SKAP1: variants seen among roughly 807,000 people sequenced by gnomAD.
SKAP1 encodes src kinase associated phosphoprotein 1.
Under a neutral mutation model 58.5 loss-of-function variants are expected in SKAP1, and 44 were observed. That is an observed-to-expected ratio of 0.75 (90% confidence interval 0.59 to 0.97). The LOEUF is 0.97. SKAP1 is among the 50% of genes least tolerant of loss of function. The pLI is 0.00. For synonymous variants in SKAP1, 127 were observed against 149.7 expected, an observed-to-expected ratio of 0.85 and a Z score of 1.11; for missense variants, 390 against 435.2, an observed-to-expected ratio of 0.90 and a Z score of 0.92.
intron 4 of SKAP1, 76 bp from the exon 5 acceptor site, chr17:48,189,576 C>A: frequency 9.9e-7 from 1 of 1,010,250 alleles, no homozygotes; most frequent in Non-Finnish European, 1.5e-6. Context: ...TTAGGTAATT[C>A]ACATTAATAA....
chr17:48,209,078 G>A (rs1442079173), intron 4 of SKAP1, among the ~76,000 whole-genome samples: 1 of 152,020 alleles, frequency 6.6e-6, no homozygotes, highest in African/African-American at 2.4e-5. Context: ...TCTCTTGATG[G>A]AGAAATTAAA....
intron 4 of SKAP1, among the ~76,000 whole-genome samples, chr17:48,194,038 T>G (rs1472801194): frequency 6.6e-6 from 1 of 152,188 alleles, no homozygotes; most frequent in Non-Finnish European, 1.5e-5. Context: ...TGGCTAAGTC[T>G]AAAGGTGTAT....
chr17:48,349,893 T>C (rs1419851691), intron 3 of SKAP1, among the ~76,000 whole-genome samples: 1 of 152,108 alleles, frequency 6.6e-6, no homozygotes, highest in Admixed American at 6.5e-5. Context: ...AGTTAATGAG[T>C]TTTCCCCCTT....
At chr17:48,274,152 G>A (rs1473515637) in intron 4 of SKAP1, among the ~76,000 whole-genome samples, 3 of 152,120 alleles carry the variant, frequency 2.0e-5, no homozygotes, top group East Asian at 3.9e-4. Flanking sequence ...ACTTCAGGAG[G>A]CCGAGGTGAG....
chr17:48,316,619 G>A (rs2066291751), intron 4 of SKAP1, among the ~76,000 whole-genome samples: 1 of 152,098 alleles, frequency 6.6e-6, no homozygotes, highest in Admixed American at 6.6e-5. Flanking sequence ...TAAGGGTTTT[G>A]TCAACTTCGT....
At chr17:48,316,798 C>T (rs139623363) in intron 4 of SKAP1, among the ~76,000 whole-genome samples, 1 of 152,166 alleles carries the variant, frequency 6.6e-6, no homozygotes, top group Non-Finnish European at 1.5e-5. Flanking sequence ...CTAAGATGAG[C>T]TATTGATCAG....
At chr17:48,434,341 G>A (rs2067931109), upstream of SKAP1, among the ~76,000 whole-genome samples, 1 of 152,246 alleles carries the variant, frequency 6.6e-6, no homozygotes, top group African/African-American at 2.4e-5. Context: ...CTTGAAGGCA[G>A]AGGAGATGGA....
At chr17:48,243,342 CA>C (rs1202444211) in intron 4 of SKAP1, among the ~76,000 whole-genome samples, 1 of 152,092 alleles carries the variant, frequency 6.6e-6, no homozygotes, top group African/African-American at 2.4e-5. Flanking sequence ...ATTTTACCCC[CA>C]AAACAAAACT....
chr17:48,195,067 G>A (rs1238657734), intron 4 of SKAP1, among the ~76,000 whole-genome samples: 1 of 152,214 alleles, frequency 6.6e-6, no homozygotes, highest in Admixed American at 6.5e-5. Flanking sequence ...CCAAGGTGAG[G>A]AGGGTATTGC....
intron 4 of SKAP1, among the ~76,000 whole-genome samples, chr17:48,262,655 A>G (rs997001994): frequency 2.6e-5 from 4 of 152,230 alleles, no homozygotes; most frequent in Non-Finnish European, 5.9e-5. Flanking sequence ...TATCCTGTTA[A>G]AAAGCCCATA....
intron 4 of SKAP1, among the ~76,000 whole-genome samples, chr17:48,296,695 A>G (rs2065978690): frequency 6.6e-6 from 1 of 152,168 alleles, no homozygotes; most frequent in African/African-American, 2.4e-5. Context: ...ACACTGGCAC[A>G]CATTCACTGC....
intron 1 of SKAP1, among the ~76,000 whole-genome samples, chr17:48,411,283 C>A (rs1207885145): frequency 6.6e-6 from 1 of 151,810 alleles, no homozygotes; most frequent in East Asian, 1.9e-4. Context: ...ACCTGTAATC[C>A]CAGATACTCG....
chr17:48,299,640 T>C (rs1194784614), intron 4 of SKAP1, among the ~76,000 whole-genome samples: 1 of 152,222 alleles, frequency 6.6e-6, no homozygotes, highest in African/African-American at 2.4e-5. Flanking sequence ...CTGACAAACA[T>C]TTATTGAATG....
intron 5 of SKAP1, 55 bp downstream of exon 5, chr17:48,189,368 C>G: frequency 6.2e-6 from 9 of 1,441,424 alleles, no homozygotes; most frequent in Non-Finnish European, 8.7e-6. Context: ...CCTTCTTTTT[C>G]CTCACTTCCC....
rs2064081435 is a variant in SKAP1 at position 48,162,383 on chromosome 17, T to C, written c.978+86A>G. 22 of 766,588 alleles carry C rather than the reference T, an allele frequency of 2.9e-5. No homozygotes were observed. In the South Asian group the frequency reaches 4.2e-4, roughly 15 times the overall value. 47.5% of individuals were successfully genotyped at this position (766,588 alleles called of 1,614,324 possible). A position where few individuals can be genotyped will look rare whatever the true frequency, so the allele number is the denominator to read the frequency against. On this transcript the variant is annotated intron_variant, in intron 11 of 12. Coordinates refer to ENST00000336915, the MANE Select transcript of SKAP1 (RefSeq NM_003726.4). ...TTGTGAGGGAGCCATGGGAAGTGTA[T>C]GACATGGAATAATTCTGTTTATGGT...
chr17:48,135,527 G>C (rs141823186), intron 12 of SKAP1, among the ~76,000 whole-genome samples: 2 of 152,208 alleles, frequency 1.3e-5, no homozygotes, highest in Non-Finnish European at 2.9e-5. Flanking sequence ...ACCCAGGCTG[G>C]CGTGCAGTGG....
chr17:48,224,747 T>G (rs1311126344), intron 4 of SKAP1, among the ~76,000 whole-genome samples: 1 of 152,136 alleles, frequency 6.6e-6, no homozygotes, highest in Non-Finnish European at 1.5e-5. Flanking sequence ...TTAATGGAAA[T>G]TTTTGGAGAC....
intron 9 of SKAP1, among the ~76,000 whole-genome samples, chr17:48,173,653 T>C (rs1054942287): frequency 2.1e-4 from 32 of 152,222 alleles, no homozygotes; most frequent in African/African-American, 7.7e-4. Context: ...TTGCTGTGCT[T>C]AGGCACTTTT....
chr17:48,189,774 G>A (rs551255217), intron 4 of SKAP1, among the ~76,000 whole-genome samples: 60 of 151,310 alleles, frequency 4.0e-4, no homozygotes, highest in African/African-American at 1.4e-3. Context: ...TCCCAGGTTC[G>A]AGCCATTCTC....
Sources: allele counts gnomAD v4.1 joint callset (sites outside exome capture counted in the v4.1 genomes callset), GRCh38; gene constraint gnomAD v4.1.1; transcripts MANE v1.5; gene names NCBI Gene and HGNC (gene_info 2026-07-23, HGNC 2026-07-21).